Variants in MGAT5 observed in about 807,000 individuals in gnomAD.
MGAT5 encodes alpha-1,6-mannosylglycoprotein 6-beta-N-acetylglucosaminyltransferase A.
MGAT5 carries 30 observed loss-of-function variants against 94.3 expected under a neutral mutation model. That is an observed-to-expected ratio of 0.32 (90% CI 0.24 to 0.43). The LOEUF (loss-of-function observed/expected upper bound fraction) is 0.43, where lower values mean the gene tolerates loss of function less well. MGAT5 is among the 20% of genes least tolerant of loss of function. The pLI is 1.00. For synonymous variants in MGAT5, 310 were observed against 322.9 expected (o/e 0.96, Z 0.43); for missense variants, 691 against 905.5 (o/e 0.76, Z 3.04).
chr2:134,448,901 C>G lies in MGAT5; in HGVS notation c.*54C>G. 2.6e-6 allele frequency: 4 copies of G among 1,547,664 alleles called. No homozygotes were observed. In the South Asian group the frequency reaches 4.6e-5, roughly 18 times the overall value. On this transcript the variant is annotated 3_prime_UTR_variant, in exon 16 of 16. Transcript: ENST00000281923. ...TGCTGGGGAAGACAGTGGCCCCAGC[C>G]CCGTCAGGCAGGGCCAGGGACAGAA...
chr2:134,207,525 G>A (rs982692809), intron 1 of MGAT5, among the ~76,000 whole-genome samples: 4 of 151,668 alleles, frequency 2.6e-5, no homozygotes, highest in Non-Finnish European at 5.9e-5. Flanking sequence ...CATTCAGATT[G>A]GGCTTTATTT....
chr2:134,425,746 A>G (rs916356777), intron 13 of MGAT5, among the ~76,000 whole-genome samples: 2 of 152,188 alleles, frequency 1.3e-5, no homozygotes, highest in Non-Finnish European at 2.9e-5. Flanking sequence ...GTGAGTTGGT[A>G]CTAGTGGAGA....
chr2:134,319,770 C>T, intron 4 of MGAT5: 1 of 420,708 alleles, frequency 2.4e-6, no homozygotes, highest in South Asian at 1.7e-5. Context: ...TTGGAATTCT[C>T]CCAGTGACAC....
intron 10 of MGAT5, among the ~76,000 whole-genome samples, chr2:134,378,003 C>T (rs1299331712): frequency 2.0e-5 from 3 of 152,150 alleles, no homozygotes; most frequent in East Asian, 1.9e-4. Context: ...CCTTCAAACA[C>T]GTTGTTTCCT....
chr2:134,144,577 G>A (rs1377405956), intron 1 of MGAT5, among the ~76,000 whole-genome samples: 1 of 152,108 alleles, frequency 6.6e-6, no homozygotes, highest in Non-Finnish European at 1.5e-5. Flanking sequence ...CACTAAGTTC[G>A]AACATTTGGT....
intron 1 of MGAT5, among the ~76,000 whole-genome samples, chr2:134,177,407 C>T (rs13385394): frequency 6.6e-6 from 1 of 152,044 alleles, no homozygotes; most frequent in African/African-American, 2.4e-5. Flanking sequence ...TTTTTAGGGC[C>T]GGGTCTGGCT....
intron 1 of MGAT5, among the ~76,000 whole-genome samples, chr2:134,227,032 A>G (rs959029237): frequency 1.3e-5 from 2 of 151,420 alleles, no homozygotes; most frequent in Non-Finnish European, 2.9e-5. Context: ...CATTTTTCAA[A>G]TGTTGGTAAC....
intron 1 of MGAT5, among the ~76,000 whole-genome samples, chr2:134,132,054 A>C (rs1250666504): frequency 3.9e-5 from 6 of 152,188 alleles, no homozygotes; most frequent in Non-Finnish European, 8.8e-5. Flanking sequence ...TAAGCCACTG[A>C]GTTTGGGGTA....
intron 1 of MGAT5, among the ~76,000 whole-genome samples, chr2:134,216,324 G>C (rs1230584220): frequency 7.1e-6 from 1 of 139,952 alleles, no homozygotes; most frequent in Non-Finnish European, 1.6e-5. Flanking sequence ...TCATGTTGTC[G>C]TCCTATGAGA....
At chr2:134,147,451 C>T (rs1297763530) in intron 1 of MGAT5, among the ~76,000 whole-genome samples, 4 of 152,110 alleles carry the variant, frequency 2.6e-5, no homozygotes, top group Non-Finnish European at 5.9e-5. Flanking sequence ...AGGCAGATAA[C>T]ACAGTTGAAT....
At chr2:134,338,851 C>T (rs993696084) in intron 6 of MGAT5, among the ~76,000 whole-genome samples, 6 of 151,364 alleles carry the variant, frequency 4.0e-5, no homozygotes, top group African/African-American at 1.5e-4. Context: ...TGCTTATGCC[C>T]GTAGGGGAGA....
At chr2:134,222,880 CTTATT>C (rs1186687525) in intron 1 of MGAT5, among the ~76,000 whole-genome samples, 2 of 152,006 alleles carry the variant, frequency 1.3e-5, no homozygotes. Context: ...AAAAGACTGA[CTTATT>C]TTTAACTTTT....
At chr2:134,430,156 G>A (rs1464041511) in intron 14 of MGAT5, among the ~76,000 whole-genome samples, 1 of 152,154 alleles carries the variant, frequency 6.6e-6, no homozygotes, top group South Asian at 2.1e-4. Flanking sequence ...CCGCCATCTC[G>A]GCAGCTCTCT....
At chr2:134,414,720 T>C (rs2106336371) in intron 12 of MGAT5, among the ~76,000 whole-genome samples, 1 of 152,304 alleles carries the variant, frequency 6.6e-6, no homozygotes, top group South Asian at 2.1e-4. Flanking sequence ...CAGAACTTAA[T>C]CAACTTGTAT....
At chr2:134,169,427 C>CACAGACACAG (rs1558967577) in intron 1 of MGAT5, among the ~76,000 whole-genome samples, 2 of 151,248 alleles carry the variant, frequency 1.3e-5, no homozygotes, top group African/African-American at 4.9e-5. Context: ...CACACACACA[C>CACAGACACAG]ACACACACAC....
chr2:134,404,565 A>G (rs1265241091), intron 11 of MGAT5, among the ~76,000 whole-genome samples: 1 of 152,162 alleles, frequency 6.6e-6, no homozygotes, highest in African/African-American at 2.4e-5. Context: ...TTGATGTACT[A>G]TCGTCATAAA....
chr2:134,313,188 G>T (rs958822233), intron 2 of MGAT5, among the ~76,000 whole-genome samples: 3 of 152,000 alleles, frequency 2.0e-5, no homozygotes. Flanking sequence ...CTCGATACGT[G>T]TGTGTCTGTT....
chr2:134,319,784 AGTACATTGGGTGCATTCTGGGTCC>A, intron 4 of MGAT5: 1 of 413,090 alleles, frequency 2.4e-6, no homozygotes, highest in Middle Eastern at 3.5e-4. Flanking sequence ...GTGACACTTG[AGTACATTGGGTGCATTCTGGGTCC>A]GTACATATGC....
chr2:134,422,439 C>T (rs1168072881), intron 12 of MGAT5, among the ~76,000 whole-genome samples: 2 of 152,044 alleles, frequency 1.3e-5, no homozygotes, highest in African/African-American at 4.8e-5. Context: ...CTATGCTGAC[C>T]TTTCTGTCTT....
Sources: gnomAD v4.1 joint callset for allele counts (sites outside exome capture counted in the v4.1 genomes callset) on GRCh38, gnomAD v4.1.1 for gene constraint, MANE v1.5 for transcripts, NCBI Gene and HGNC (gene_info 2026-07-23, HGNC 2026-07-21) for gene names.